Variants in ADRA1B observed in about 807,000 individuals in gnomAD.
The protein encoded by ADRA1B is alpha-1B adrenergic receptor.
ADRA1B carries 17 observed loss-of-function variants against 17.9 expected under a neutral mutation model. The ratio of observed to expected loss-of-function variants is 0.95; its 90% confidence interval spans 0.65 to 1.42. ADRA1B has a LOEUF of 1.42. Ranked by LOEUF, ADRA1B falls within the 40% of genes most tolerant of loss-of-function variation. ADRA1B has a pLI of 0.00. For missense variants in ADRA1B, 681 were observed against 722.1 expected (o/e 0.94, Z 0.65); for synonymous variants, 366 against 327.6 (o/e 1.12, Z -1.27).
At chr5:159,902,415 T>C (rs1754111684) in intron 1 of ADRA1B, among the ~76,000 whole-genome samples, 1 of 151,964 alleles carries the variant, frequency 6.6e-6, no homozygotes, top group Non-Finnish European at 1.5e-5. Flanking sequence ...AAGAAGTCCA[T>C]AGAGTTAACA....
chr5:159,957,632 G>A (rs1184838247), intron 1 of ADRA1B, among the ~76,000 whole-genome samples: 1 of 151,806 alleles, frequency 6.6e-6, no homozygotes, highest in African/African-American at 2.4e-5. Context: ...ATTTGAAAGA[G>A]AGCTTTGTGT....
the ADRA1B span, among the ~76,000 whole-genome samples, chr5:159,979,143 C>CAGTA: frequency 6.6e-6 from 1 of 150,390 alleles, no homozygotes; most frequent in East Asian, 2.0e-4. Context: ...CTGGGCAACA[C>CAGTA]AGTAAGACCC....
intron 1 of ADRA1B, among the ~76,000 whole-genome samples, chr5:159,884,394 T>C (rs1054755889): frequency 1.3e-4 from 20 of 152,072 alleles, no homozygotes; most frequent in African/African-American, 4.6e-4. Flanking sequence ...AGGAAGTGGG[T>C]TTGTTATTAT....
At chr5:159,923,101 A>T (rs1481395829) in intron 1 of ADRA1B, among the ~76,000 whole-genome samples, 2 of 152,280 alleles carry the variant, frequency 1.3e-5, no homozygotes, top group African/African-American at 4.8e-5. Flanking sequence ...GAAAGTCCTG[A>T]GGCCAGAGAG....
At chr5:159,945,748 G>GGTT (rs397933217) in intron 1 of ADRA1B, among the ~76,000 whole-genome samples, 15 of 112,482 alleles carry the variant, frequency 1.3e-4, no homozygotes, top group Non-Finnish European at 1.1e-4. Context: ...TTTTTTGTTT[G>GGTT]TTTGTTTTTT....
At chr5:159,879,177 C>T (rs1048986442) in intron 1 of ADRA1B, among the ~76,000 whole-genome samples, 1 of 152,128 alleles carries the variant, frequency 6.6e-6, no homozygotes. Flanking sequence ...CCTCTGCTGT[C>T]CCAGAGGTTT....
Position 159,902,469 on chromosome 5 carries a change from T to A in ADRA1B, c.-255-13650T>A, listed in dbSNP as rs1754112317. 4.0e-5 allele frequency among the ~76,000 whole-genome samples: 6 copies of A among 151,834 alleles called. No homozygotes were observed. In the South Asian group the frequency reaches 1.3e-3, roughly 32 times the overall value. On this transcript the variant is annotated intron_variant, in intron 1 of 2. Transcript: ENST00000641205. Reference sequence around the variant, plus strand: ...AAAAACTGTTAAAGGGGTAAATAGATGTTATGTATTTTTTAACCACCATTT... The same window carrying A: ...AAAAACTGTTAAAGGGGTAAATAGAAGTTATGTATTTTTTAACCACCATTT...
In ADRA1B at chr5:159,900,368, G is replaced by A. The variant is rs142213113; in HGVS notation, c.-255-15751G>A. On this transcript the variant is annotated intron_variant, in intron 1 of 2. Transcript: ENST00000641205. ...TCCCAGAAGTGGAATACATCTTTCC[G>A]TTTATTCAAGGCCTCTTTTATTCCC... is the stretch of plus-strand genomic sequence containing the variant. 4.8e-3 allele frequency among the ~76,000 whole-genome samples: 734 copies of A among 152,298 alleles called. 4 individuals are homozygous for A. Among genetic ancestry groups the A allele is most frequent in the Non-Finnish European group, 7.4e-3 (503 of 68,022 alleles).
At chr5:159,903,411 C>A (rs1417039882) in intron 1 of ADRA1B, among the ~76,000 whole-genome samples, 1 of 152,142 alleles carries the variant, frequency 6.6e-6, no homozygotes, top group Non-Finnish European at 1.5e-5. Context: ...ATCTAGCAAA[C>A]AATTAATAAA....
chr5:159,963,288 G>GTATATATATATATATGTATATATATA (rs779436118), intron 1 of ADRA1B, among the ~76,000 whole-genome samples: 4,659 of 132,292 alleles, frequency 0.035, 146 homozygotes, highest in East Asian at 0.12. Flanking sequence ...AACAAAAAAA[G>GTATATATATATATATGTATATATATA]TATATATATA....
At chr5:159,871,917 C>T (rs1753746875) in intron 1 of ADRA1B, among the ~76,000 whole-genome samples, 1 of 152,162 alleles carries the variant, frequency 6.6e-6, no homozygotes, top group Non-Finnish European at 1.5e-5. Flanking sequence ...GCAGGGTCTC[C>T]TCCTCTGCCT....
chr5:159,912,504 C>T (rs928674616), upstream of ADRA1B, among the ~76,000 whole-genome samples: 1 of 152,226 alleles, frequency 6.6e-6, no homozygotes, highest in African/African-American at 2.4e-5. Flanking sequence ...CTTTCCCTCC[C>T]CTCCCTGACC....
At chr5:159,895,759 C>A (rs190083134) in intron 1 of ADRA1B, among the ~76,000 whole-genome samples, 1 of 152,320 alleles carries the variant, frequency 6.6e-6, no homozygotes, top group Non-Finnish European at 1.5e-5. Context: ...TACTGTTTTG[C>A]ATTTCTTGTG....
At chr5:159,973,935 C>A (rs1001844355), downstream of ADRA1B, among the ~76,000 whole-genome samples, 1 of 152,188 alleles carries the variant, frequency 6.6e-6, no homozygotes, top group Non-Finnish European at 1.5e-5. Context: ...CTAGGAGGAA[C>A]GCTCTTCCCC....
At chr5:159,974,042 G>A (rs535229998), downstream of ADRA1B, among the ~76,000 whole-genome samples, 30 of 152,104 alleles carry the variant, frequency 2.0e-4, no homozygotes, top group Non-Finnish European at 2.9e-4. Flanking sequence ...TTAGCACATC[G>A]ATCATTCATT....
chr5:159,923,782 T>C (rs1754560750), intron 1 of ADRA1B, among the ~76,000 whole-genome samples: 1 of 152,272 alleles, frequency 6.6e-6, no homozygotes, highest in African/African-American at 2.4e-5. Context: ...TGTAGACCTC[T>C]TGCATCAGAT....
At position 159,887,428 on chromosome 5, in the gene ADRA1B, G is replaced by A. The variant is rs10463074; in HGVS notation, c.-256+22222G>A. Reference sequence around the variant, plus strand: ...ATTATAATCATCTTATCAGATGGATGTTGAAAAGACTTCAACTATCCTTAT... The same window carrying A: ...ATTATAATCATCTTATCAGATGGATATTGAAAAGACTTCAACTATCCTTAT... On this transcript the variant is annotated intron_variant, in intron 1 of 2. Coordinates refer to the ADRA1B transcript ENST00000641205. Among the ~76,000 whole-genome samples the A allele has an allele frequency of 5.9e-3, 903 of 152,312 alleles. 44 individuals are homozygous for A. The East Asian group carries it at 0.11, about 18-fold the overall frequency.
chr5:159,985,873 G>A, the ADRA1B span, among the ~76,000 whole-genome samples: 677 of 152,290 alleles, frequency 4.4e-3, 5 homozygotes, highest in African/African-American at 0.016. Flanking sequence ...AGAGAGTTCC[G>A]TCTAGCCCTT....
intron 1 of ADRA1B, among the ~76,000 whole-genome samples, chr5:159,955,659 G>T (rs78451437): frequency 6.6e-6 from 1 of 152,140 alleles, no homozygotes; most frequent in African/African-American, 2.4e-5. Context: ...GTTTGTCCTA[G>T]GCTCAAAGAA....
Sources: gnomAD v4.1 joint callset for allele counts (sites outside exome capture counted in the v4.1 genomes callset) on GRCh38, gnomAD v4.1.1 for gene constraint, MANE v1.5 for transcripts, NCBI Gene and HGNC (gene_info 2026-07-23, HGNC 2026-07-21) for gene names.